The following RAB36 variants were observed in gnomAD, a reference collection of about 807,000 sequenced individuals.
RAB36 encodes RAB36, member RAS oncogene family, also known as ras-related protein Rab-36.
RAB36 carries 33 observed loss-of-function variants against 39.3 expected under a neutral mutation model. The ratio of observed to expected loss-of-function variants is 0.84; its 90% CI spans 0.64 to 1.12. RAB36 has a LOEUF of 1.12. RAB36 is among the 50% of genes most tolerant of loss of function. The pLI is 0.00. For missense variants in RAB36, 308 were observed against 355.3 expected (o/e 0.87, Z 1.07); for synonymous variants, 133 against 140.2 (o/e 0.95, Z 0.36).
At chr22:23,155,485 A>G (rs1189485475) in intron 5 of RAB36, among the ~76,000 whole-genome samples, 1 of 152,102 alleles carries the variant, frequency 6.6e-6, no homozygotes, top group East Asian at 1.9e-4. Flanking sequence ...GGTATCTCCA[A>G]CTCCTACTTT....
chr22:23,157,992 T>C lies in RAB36; in HGVS notation c.395T>C (p.Val132Ala), dbSNP rs1160080928. The change falls in exon 7 of 11, where the codon GTG becomes GCG. Residue 132 changes from valine to alanine, a missense_variant and splice_region_variant. Transcript: ENST00000263116. The stretch of plus-strand genomic sequence containing the variant: ...CTGTTGGCTTTTTCCGGGTGTCTAG[T>C]GATCATCACGGCCTTTGACCTCACT... Reference protein sequence around the residue: ...IASAYYRGAQVIITAFDLTDV... With the variant: ...IASAYYRGAQAIITAFDLTDV... The C allele has an allele frequency of 6.2e-7, 1 of 1,614,086 alleles. No individual in the cohort carries two copies. Among genetic ancestry groups the C allele is most frequent in the Non-Finnish European group, 8.5e-7 (1 of 1,180,022 alleles).
Position 23,164,126 on chromosome 22 carries a change from A to G in RAB36, c.*2562A>G, listed in dbSNP as rs1401127310. The G allele has an allele frequency of 6.6e-6, 1 of 152,202 alleles. No homozygotes were observed. Among genetic ancestry groups the G allele is most frequent in the Non-Finnish European group, 1.5e-5 (1 of 68,050 alleles). The allele number at this position is 152,202 out of a possible 1,614,324, so 9.4% of individuals were successfully genotyped here. ...GACAGCATTGGGGTCCATTAGGAAG[A>G]CCAGGTTTGCTGGGCATAAGCTTCA... On this transcript the variant is annotated 3_prime_UTR_variant, in exon 11 of 11. Transcript: ENST00000263116.
Position 23,165,190 on chromosome 22 carries a change from T to C in RAB36, c.*3626T>C, listed in dbSNP as rs1404649022. On this transcript the variant is annotated 3_prime_UTR_variant, in exon 11 of 11. Transcript: ENST00000263116. ...GGAAGGGCCCACAGTAGGTGCTCAA[T>C]AGATGTGTAAAGAAGGCAGGGAAGC... Among the ~76,000 whole-genome samples, 1 of 152,136 alleles carries C rather than the reference T, an allele frequency of 6.6e-6. No homozygotes were observed. Among genetic ancestry groups the C allele is most frequent in the East Asian group, 1.9e-4 (1 of 5,200 alleles).
In RAB36 at chr22:23,160,801, G is replaced by T. The variant is rs532575498; in HGVS notation, c.620-78G>T. 151 of 1,555,420 alleles carry T rather than the reference G, an allele frequency of 9.7e-5. 1 individual carries two copies. In the South Asian group the frequency reaches 1.7e-3, roughly 18 times the overall value. On this transcript the variant is annotated intron_variant, in intron 9 of 10. Coordinates refer to ENST00000263116, the MANE Select transcript of RAB36 (RefSeq NM_004914.5). ...TACGTGCCAACCTGAGGGTAGGCTA[G>T]CCTGGCTTTCACACCCAGATGCATT...
chr22:23,150,098 G>T lies in RAB36; in HGVS notation c.105G>T (p.Glu35Asp). ...YTPEACLQLR[E>D]HFHGQVSAAC... ...CGGAAGCCTGTTTGCAGCTCAGGGA[G>T]CACTTCCACGGGCAGGTCAGCGCTG... The change falls in exon 3 of 11, where the codon GAG (glutamate) becomes GAT (aspartate). Residue 35 changes from glutamate (E) to aspartate (D), a missense_variant. Transcript: ENST00000263116. 1 of 1,612,392 alleles carries T rather than the reference G, an allele frequency of 6.2e-7. No homozygotes were observed. Among genetic ancestry groups the T allele is most frequent in the Non-Finnish European group, 8.5e-7 (1 of 1,179,372 alleles).
Position 23,151,746 on chromosome 22 carries a change from C to T in RAB36, c.162-715C>T, listed in dbSNP as rs141416853. ...AAAAAATAATAAACAGTCCGAGAAA[C>T]GCCTCTGCACAGAGTGTAGGACACA... On this transcript the variant is annotated intron_variant, in intron 3 of 10. Coordinates refer to ENST00000263116, the MANE Select transcript of RAB36 (RefSeq NM_004914.5). Among the ~76,000 whole-genome samples, 480 of 152,308 alleles carry T rather than the reference C, an allele frequency of 3.2e-3. 4 individuals are homozygous for T. Among genetic ancestry groups the T allele is most frequent in the African/African-American group, 0.011 (445 of 41,558 alleles).
At chr22:23,149,415 C>T (rs574793196) in intron 2 of RAB36, among the ~76,000 whole-genome samples, 152 of 152,294 alleles carry the variant, frequency 1.0e-3, no homozygotes, top group African/African-American at 3.5e-3. Flanking sequence ...GACCCTGAGG[C>T]CCATGCTCTT....
intron 2 of RAB36, among the ~76,000 whole-genome samples, 168 bp from the exon 3 acceptor site, chr22:23,149,895 A>C (rs9612247): frequency 0.018 from 2,691 of 152,338 alleles, 35 homozygotes; most frequent in Non-Finnish European, 0.028. Flanking sequence ...CTCAAGGCTG[A>C]GGAAATAGAA....
rs1212715188 is a variant in RAB36 at position 23,153,055 on chromosome 22, C to T, written c.250C>T (p.Arg84Ter). 15 of 1,613,882 alleles carry T rather than the reference C, an allele frequency of 9.3e-6. No individual in the cohort carries two copies. Among genetic ancestry groups the T allele is most frequent in the Non-Finnish European group, 1.2e-5 (14 of 1,179,924 alleles). ...IHRFCKNVFD[R>*]DYKATIGVDF... ...CAGGTTTTGCAAGAATGTTTTTGAT[C>T]GAGACTACAAGGCCACCATTGGGGT... The change falls in exon 5 of 11, where the codon CGA becomes TGA. Residue 84 changes from arginine (R) to a stop codon, truncating the protein, a stop_gained. Transcript: ENST00000263116. LOFTEE classifies it high-confidence loss of function.
At position 23,159,344 on chromosome 22, in the gene RAB36, G is replaced by A. The variant is rs548290003; in HGVS notation, c.619+91G>A. The A allele has an allele frequency of 4.7e-6, 6 of 1,271,726 alleles. 1 individual carries two copies. Among genetic ancestry groups the A allele is most frequent in the Admixed American group, 4.8e-5 (2 of 41,502 alleles). 78.8% of individuals were successfully genotyped at this position (1,271,726 alleles called of 1,614,324 possible). On this transcript the variant is annotated intron_variant, in intron 9 of 10. Transcript: ENST00000263116. ...CTGCCATGCAGTGTTTCCCTCTGTA[G>A]CCAGTCGTCTGTTCCCTCTGTGGCC...
At position 23,163,272 on chromosome 22, in the gene RAB36, C is replaced by T. The variant is rs1459403284; in HGVS notation, c.*1708C>T. On this transcript the variant is annotated 3_prime_UTR_variant, in exon 11 of 11. Transcript: ENST00000263116. The stretch of plus-strand genomic sequence containing the variant: ...GCGGCGGGATGGAGTCTCTGTCACC[C>T]AGGCTGGCGTGCAATGGCACGATCT... 6.5e-6 allele frequency: 1 copy of T among 154,988 alleles called. No homozygotes were observed. Among genetic ancestry groups the T allele is most frequent in the Non-Finnish European group, 1.4e-5 (1 of 70,162 alleles). 9.6% of individuals were successfully genotyped at this position (154,988 alleles called of 1,614,324 possible). A position where few individuals can be genotyped will look rare whatever the true frequency, so the allele number is the denominator to read the frequency against.
At position 23,152,672 on chromosome 22, in the gene RAB36, A is replaced by G. The variant is rs564934218; in HGVS notation, c.227+146A>G. The G allele has an allele frequency of 5.2e-4, 413 of 790,890 alleles. 2 individuals carry two copies. Among genetic ancestry groups the G allele is most frequent in the Non-Finnish European group, 7.1e-4 (345 of 483,356 alleles). The allele number at this position is 790,890 out of a possible 1,614,324, so 49.0% of individuals were successfully genotyped here. ...GCCTCAGCCTGCTGGGAGCCGGATA[A>G]GAGGGGGTGCAAGAAATCGGGGAGA... On this transcript the variant is annotated intron_variant, in intron 4 of 10. Coordinates refer to ENST00000263116, the MANE Select transcript of RAB36 (RefSeq NM_004914.5).
In RAB36 at chr22:23,153,096, G is replaced by A; in HGVS notation, c.291G>A (p.Glu97=). Residue 97 remains glutamate, a synonymous_variant, in exon 5 of 11, where the codon GAG becomes GAA. Transcript: ENST00000263116. The part of the protein sequence containing the change: ...KATIGVDFEI[E]RFEIAGIPYS... ...CCATTGGGGTGGACTTTGAAATTGA[G>A]CGCTTTGAGATTGCTGGGATTCCCT... The A allele has an allele frequency of 6.2e-7, 1 of 1,614,138 alleles. No homozygotes were observed. Among genetic ancestry groups the A allele is most frequent in the Non-Finnish European group, 8.5e-7 (1 of 1,180,014 alleles).
chr22:23,154,979 G>A (rs555262891), intron 5 of RAB36, among the ~76,000 whole-genome samples: 1 of 152,224 alleles, frequency 6.6e-6, no homozygotes, highest in Admixed American at 6.5e-5. Context: ...TACAAAATTA[G>A]CCAGGCACAG....
chr22:23,150,042 C>A, intron 2 of RAB36, 21 bp from the exon 3 acceptor site: 1 of 1,573,248 alleles, frequency 6.4e-7, no homozygotes, highest in Non-Finnish European at 8.7e-7. Flanking sequence ...ATGATGTGTC[C>A]GTCTGTCTGT....
chr22:23,153,636 C>A (rs1014939751), intron 5 of RAB36: 1 of 984,980 alleles, frequency 1.0e-6, no homozygotes, highest in South Asian at 4.7e-5. Flanking sequence ...TCGTCTTCCT[C>A]CTCACACTGC....
chr22:23,150,293 CTTTTT>C (rs955850246), intron 3 of RAB36, 139 bp downstream of exon 3: 4 of 496,688 alleles, frequency 8.1e-6, no homozygotes, highest in Non-Finnish European at 1.4e-5. Flanking sequence ...CTGGGGTTTT[CTTTTT>C]TTTTTCTTTT....
In RAB36 at chr22:23,163,614, C is replaced by CCCCCG. The variant is rs1555954178; in HGVS notation, c.*2052_*2053insCCGCC. On this transcript the variant is annotated 3_prime_UTR_variant, in exon 11 of 11. Transcript: ENST00000263116. Reference sequence around the variant, plus strand: ...TAAAATACAAGGTGAAAGCCCCCCCCCCGCCACATTAGCTGCGCCCCTGAA... The same window carrying CCCCCG: ...TAAAATACAAGGTGAAAGCCCCCCCCCCCCGCCGCCACATTAGCTGCGCCCCTGAA... The CCCCCG allele has an allele frequency of 6.7e-6, 1 of 149,014 alleles. No individual in the cohort carries two copies. The highest frequency in any genetic ancestry group is 1.5e-5 in the Non-Finnish European group (1 of 66,472). The allele number at this position is 149,014 out of a possible 1,614,324, so 9.2% of individuals were successfully genotyped here. A position where few individuals can be genotyped will look rare whatever the true frequency, so the allele number is the denominator to read the frequency against.
downstream of RAB36, among the ~76,000 whole-genome samples, chr22:23,165,775 C>T (rs1601965875): frequency 6.6e-6 from 1 of 152,136 alleles, no homozygotes; most frequent in Non-Finnish European, 1.5e-5. Context: ...GGTGGTGTGG[C>T]TCTACCTGAA....
Sources: allele counts gnomAD v4.1 joint callset (sites outside exome capture counted in the v4.1 genomes callset), GRCh38; gene constraint gnomAD v4.1.1; transcripts MANE v1.5; gene names NCBI Gene and HGNC (gene_info 2026-07-23, HGNC 2026-07-21).